Variants in EVPL observed in about 807,000 individuals in gnomAD.
EVPL encodes the protein envoplakin, also known as 210 kDa cornified envelope precursor protein.
A neutral mutation model predicts 129.7 loss-of-function variants in EVPL; 94 were observed. The ratio of observed to expected loss-of-function variants is 0.72; its 90% CI spans 0.61 to 0.86. EVPL has a LOEUF of 0.86. Among genes scored for constraint, EVPL ranks in the 40% least tolerant of loss-of-function variants. EVPL has a pLI of 0.00. For synonymous variants in EVPL, 1,172 were observed against 1,191.1 expected, an observed-to-expected ratio of 0.98 and a Z score of 0.33; for missense variants, 2,625 against 2,721.1, an observed-to-expected ratio of 0.96 and a Z score of 0.79.
chr17:76,009,899 A>C lies in EVPL; in HGVS notation c.3306T>G (p.Asp1102Glu). The C allele has an allele frequency of 6.2e-7, 1 of 1,614,002 alleles. No homozygotes were observed. Among genetic ancestry groups the C allele is most frequent in the South Asian group, 1.1e-5 (1 of 91,080 alleles). The change falls in exon 22 of 22, where the codon GAT (aspartate) becomes GAG (glutamate). Residue 1102 changes from aspartate to glutamate, a missense_variant. Asp to Glu is a conservative substitution (Grantham distance 45). This residue lies in a region of EVPL where 1,453 missense variants were observed against 1,511.8 expected (regional missense o/e 0.96). Transcript: ENST00000301607. This position sits in a 1 kb window ranked among gnomAD's most constrained non-coding sequence, Gnocchi z 5.9. ...AQALRLQMEE[D>E]AARRKQAEEA... is the part of the protein sequence containing the mutation. ...CCTCCGCCTGCTTCCTCCGCGCAGC[A>C]TCCTCCTCCATCTGCAGCCTCAGAG...
Position 76,009,572 on chromosome 17 carries a change from AG to A in EVPL, c.3632del (p.Thr1211IlefsTer43), listed in dbSNP as rs747762061. The A allele has an allele frequency of 2.5e-6, 4 of 1,613,932 alleles. No individual in the cohort carries two copies. Among genetic ancestry groups the A allele is most frequent in the Non-Finnish European group, 2.5e-6 (3 of 1,179,988 alleles). ...QVDPETEQEI[T>X]RLKAKLQEMA... ...TCTCCTGCAGCTTGGCCTTGAGCCG[AG>A]TGATCTCCTGCTCTGTCTCCGGATC... On this transcript the variant is annotated frameshift_variant, in exon 22 of 22. Transcript: ENST00000301607. LOFTEE classifies it low-confidence loss of function (END_TRUNC). This position sits in a 1 kb window ranked among gnomAD's most constrained non-coding sequence, Gnocchi z 5.9.
intron 7 of EVPL, 33 bp downstream of exon 7, chr17:76,021,834 G>T: frequency 1.3e-6 from 2 of 1,564,818 alleles, no homozygotes; most frequent in South Asian, 1.2e-5. Context: ...GGCCCTGGCC[G>T]CCCCCACCTG....
At position 76,008,614 on chromosome 17, in the gene EVPL, C is replaced by G. The variant is rs1381474252; in HGVS notation, c.4591G>C (p.Val1531Leu). ...KEVIRVQKDR[V>L]LEDERARVWE... Reference sequence around the variant, plus strand: ...ACGCGGGCCCGCTCATCTTCCAGGACGCGGTCCTTCTGCACCCGGATCACT... The same window carrying G: ...ACGCGGGCCCGCTCATCTTCCAGGAGGCGGTCCTTCTGCACCCGGATCACT... Residue 1531 changes from valine (V) to leucine (L), a missense_variant, in exon 22 of 22, where the codon GTC becomes CTC. By Grantham distance (32) the Val-to-Leu change is conservative. Around this residue, in one of 4 missense-constraint regions of EVPL, gnomAD observed 1,453 missense variants for 1,511.8 expected, o/e 0.96. Coordinates refer to ENST00000301607, the MANE Select transcript of EVPL (RefSeq NM_001988.4). This position sits in a 1 kb window ranked among gnomAD's most constrained non-coding sequence, Gnocchi z 7.4. 2.5e-6 allele frequency: 4 copies of G among 1,612,080 alleles called. No homozygotes were observed. Among genetic ancestry groups the G allele is most frequent in the Admixed American group, 1.7e-5 (1 of 60,034 alleles).
At chr17:76,012,397 C>T (rs575503803) in intron 18 of EVPL, 5 of 276,162 alleles carry the variant, frequency 1.8e-5, no homozygotes, top group South Asian at 8.9e-5. Context: ...TGGGTTCAAG[C>T]GATTTTCATG....
intron 9 of EVPL, among the ~76,000 whole-genome samples, chr17:76,020,645 G>A (rs954338983): frequency 2.0e-5 from 3 of 150,988 alleles, no homozygotes; most frequent in African/African-American, 4.9e-5. Flanking sequence ...CTCCTAAAGA[G>A]CCTTTTAAGA....
Position 76,009,215 on chromosome 17 carries a change from T to C in EVPL, c.3990A>G (p.Ala1330=), listed in dbSNP as rs778121157. The part of the protein sequence containing the change: ...HEKDPVLEKE[A]ERLRQEVREA... ...CCCGCACCTCCTGGCGGAGCCGCTC[T>C]GCTTCTTTCTCCAGCACCGGGTCCT... is the stretch of plus-strand genomic sequence containing the variant. Residue 1330 remains alanine, a synonymous_variant, in exon 22 of 22, where the codon GCA becomes GCG. Transcript: ENST00000301607. This position sits in a 1 kb window ranked among gnomAD's most constrained non-coding sequence, Gnocchi z 5.9. 9 of 1,608,880 alleles carry C rather than the reference T, an allele frequency of 5.6e-6. No homozygotes were observed. Among genetic ancestry groups the C allele is most frequent in the Non-Finnish European group, 7.6e-6 (9 of 1,179,882 alleles).
At chr17:76,019,720 G>C in intron 9 of EVPL, 67 bp from the exon 10 acceptor site, 1 of 1,550,398 alleles carries the variant, frequency 6.4e-7, no homozygotes, top group Admixed American at 2.1e-5. Context: ...CTACAAACCA[G>C]CTGAACCTAA....
intron 21 of EVPL, 118 bp from the exon 22 acceptor site, chr17:76,010,661 G>T: frequency 1.8e-6 from 2 of 1,141,638 alleles, no homozygotes; most frequent in Non-Finnish European, 2.4e-6. Context: ...GTCCTCAGAG[G>T]TGGAGCTGAA....
Position 76,011,772 on chromosome 17 carries a change from C to T in EVPL, c.2568G>A (p.Gln856=), listed in dbSNP as rs1201852095. The part of the protein sequence containing the change: ...VAPLQESIQA[Q]EKNLAKAYTE... The stretch of plus-strand genomic sequence containing the variant: ...TGAGCCCCGCAAGGTCCCATCTCAC[C>T]TGGGCTTGGATGCTCTCTTGCAGGG... Residue 856 remains glutamine, a splice_region_variant and synonymous_variant, in exon 20 of 22, where the codon CAG becomes CAA. Transcript: ENST00000301607. The T allele has an allele frequency of 2.5e-6, 4 of 1,611,702 alleles. No individual in the cohort carries two copies. The African/African-American group carries it at 4.0e-5, about 16-fold the overall frequency.
rs543348353 is a variant in EVPL at position 76,014,534 on chromosome 17, G to C, written c.2265C>G (p.Phe755Leu). ...VQDAALTYQQ[F>L]KNCKDNLSSW... ...AGCTCAGGTTATCCTTGCAGTTCTT[G>C]AACTGCTGGTAGGTGAGGGCGGCAT... The change falls in exon 18 of 22, where the codon TTC (phenylalanine) becomes TTG (leucine). Residue 755 changes from phenylalanine to leucine, a missense_variant. Phe to Leu is a conservative substitution (Grantham distance 22, BLOSUM62 0). This residue lies in a region of EVPL where 1,024 missense variants were observed against 997.5 expected (regional missense o/e 1.03). Transcript: ENST00000301607. The C allele has an allele frequency of 6.2e-7, 1 of 1,612,096 alleles. No homozygotes were observed. Among genetic ancestry groups the C allele is most frequent in the African/African-American group, 1.3e-5 (1 of 74,960 alleles).
In EVPL at chr17:76,022,210, C is replaced by T. The variant is rs745420834; in HGVS notation, c.624G>A (p.Arg208=). ...TCACCAGTAGGTCTCGGTATTGGCT[C>T]CGGATGGTGGCTGCATCCTGCCTCG... The part of the protein sequence containing the change: ...SLVGPDAATI[R]SQYRDLLKAA... Residue 208 remains arginine (R), a synonymous_variant, in exon 6 of 22, where the codon CGG becomes CGA. Coordinates refer to ENST00000301607, the MANE Select transcript of EVPL (RefSeq NM_001988.4). The surrounding 1 kb of genome is among the most constrained non-coding windows in gnomAD (Gnocchi z 5.6). The T allele has an allele frequency of 6.2e-7, 1 of 1,613,200 alleles. No individual in the cohort carries two copies. Among genetic ancestry groups the T allele is most frequent in the Non-Finnish European group, 8.5e-7 (1 of 1,179,842 alleles).
chr17:76,024,012 G>A lies in EVPL; in HGVS notation c.198+9C>T, dbSNP rs1429651934. 1.1e-5 allele frequency: 17 copies of A among 1,610,748 alleles called. No individual in the cohort carries two copies. Among genetic ancestry groups the A allele is most frequent in the Non-Finnish European group, 1.7e-6 (2 of 1,178,896 alleles). ...GTCCACGCCCTGCCAACTGCTGCCG[G>A]GGCCTCACCTGCTGCAGCCTCTTCT... On this transcript the variant is annotated intron_variant, in intron 2 of 21. Coordinates refer to ENST00000301607, the MANE Select transcript of EVPL (RefSeq NM_001988.4). This position sits in a 1 kb window ranked among gnomAD's most constrained non-coding sequence, Gnocchi z 4.5.
rs774663667 is a variant in EVPL at position 76,008,355 on chromosome 17, G to C, written c.4850C>G (p.Ser1617Trp). Residue 1617 changes from serine to tryptophan, a missense_variant, in exon 22 of 22, where the codon TCG becomes TGG. Ser to Trp is a radical substitution (Grantham distance 177). Coordinates refer to ENST00000301607, the MANE Select transcript of EVPL (RefSeq NM_001988.4). This position sits in a 1 kb window ranked among gnomAD's most constrained non-coding sequence, Gnocchi z 7.4. ...QQQTLQLQEE[S>W]KLLSQKTESE... ...CTCCGTCTTCTGGCTGAGCAGCTTC[G>C]ACTCCTCCTGCAGCTGCAGTGTCTG... 1.2e-6 allele frequency: 2 copies of C among 1,602,846 alleles called. No homozygotes were observed. The highest frequency in any genetic ancestry group is 1.7e-6 in the Non-Finnish European group (2 of 1,179,368).
In EVPL at chr17:76,010,185, C is replaced by T; in HGVS notation, c.3020G>A (p.Arg1007Lys). ...AQKVVQLESK[R>K]KTMQPHLLTK... ...CAGCAGATGAGGCTGCATGGTCTTC[C>T]TCTTGCTTTCCAGCTGCACGACCTT... Residue 1007 changes from arginine (R) to lysine (K), a missense_variant, in exon 22 of 22, where the codon AGG (arginine) becomes AAG (lysine). Physicochemically the swap from Arg to Lys is conservative, Grantham distance 26. Around this residue, in one of 4 missense-constraint regions of EVPL, gnomAD observed 1,453 missense variants for 1,511.8 expected, o/e 0.96. Transcript: ENST00000301607. The T allele has an allele frequency of 6.2e-7, 1 of 1,614,094 alleles. No homozygotes were observed. Among genetic ancestry groups the T allele is most frequent in the Non-Finnish European group, 8.5e-7 (1 of 1,180,024 alleles).
At position 76,009,122 on chromosome 17, in the gene EVPL, C is replaced by T; in HGVS notation, c.4083G>A (p.Leu1361=). ...VYELQSKRLL[L]ERRKPEEKVV... Reference sequence around the variant, plus strand: ...CCTTCTCCTCGGGCTTCCTCCTCTCCAGCAGCAGGCGCTTGCTCTGCAGCT... The same window carrying T: ...CCTTCTCCTCGGGCTTCCTCCTCTCTAGCAGCAGGCGCTTGCTCTGCAGCT... The change falls in exon 22 of 22, where the codon CTG becomes CTA. Residue 1361 remains leucine (L), a synonymous_variant. Coordinates refer to ENST00000301607, the MANE Select transcript of EVPL (RefSeq NM_001988.4). This position sits in a 1 kb window ranked among gnomAD's most constrained non-coding sequence, Gnocchi z 5.9. 1 of 1,612,936 alleles carries T rather than the reference C, an allele frequency of 6.2e-7. No homozygotes were observed. The highest frequency in any genetic ancestry group is 8.5e-7 in the Non-Finnish European group (1 of 1,179,518).
In EVPL at chr17:76,022,471, T is replaced by C. The variant is rs1448615842; in HGVS notation, c.548A>G (p.Asn183Ser). The C allele has an allele frequency of 3.1e-6, 5 of 1,613,586 alleles. No individual in the cohort carries two copies. The highest frequency in any genetic ancestry group is 4.2e-6 in the Non-Finnish European group (5 of 1,179,860). Reference protein sequence around the residue: ...AELEQQIAEHNILQKEIDAYG... With the variant: ...AELEQQIAEHSILQKEIDAYG... ...GGCGTCGATCTCCTTCTGCAGGATG[T>C]TGTGCTCGGCGATCTGTTGCTCCAG... is the stretch of plus-strand genomic sequence containing the variant. Residue 183 changes from asparagine to serine, a missense_variant, in exon 5 of 22, where the codon AAC becomes AGC. By Grantham distance (46) the Asn-to-Ser change is conservative. This residue lies in a region of EVPL where 1,024 missense variants were observed against 997.5 expected (regional missense o/e 1.03). Coordinates refer to ENST00000301607, the MANE Select transcript of EVPL (RefSeq NM_001988.4). The surrounding 1 kb of genome is among the most constrained non-coding windows in gnomAD (Gnocchi z 5.6).
At position 76,010,284 on chromosome 17, in the gene EVPL, C is replaced by G; in HGVS notation, c.2921G>C (p.Arg974Thr). The change falls in exon 22 of 22, where the codon AGG (arginine) becomes ACG (threonine). Residue 974 changes from arginine (R) to threonine (T), a missense_variant. By Grantham distance (71) the Arg-to-Thr change is moderately conservative. Coordinates refer to ENST00000301607, the MANE Select transcript of EVPL (RefSeq NM_001988.4). ...RDPQLEGSLS[R>T]VKAQVEEEGK... ...CTCCTCCTCCACCTGGGCCTTCACC[C>G]TGGACAGGCTGCCCTCCAGCTGGGG... 6.2e-7 allele frequency: 1 copy of G among 1,613,982 alleles called. No homozygotes were observed. The highest frequency in any genetic ancestry group is 8.5e-7 in the Non-Finnish European group (1 of 1,180,014).
Position 76,021,689 on chromosome 17 carries a change from C to G in EVPL, c.900G>C (p.Ala300=), listed in dbSNP as rs1733975282. ...CCCAGCGCACCTGGATGGGCCCCAC[C>G]GCGGGGTGCCGCAGCTCCACCATGC... ...GERMVELRHP[A]VGPIQAHQEA... Residue 300 remains alanine (A), a synonymous_variant, in exon 8 of 22, where the codon GCG becomes GCC. Coordinates refer to ENST00000301607, the MANE Select transcript of EVPL (RefSeq NM_001988.4). The G allele has an allele frequency of 6.2e-7, 1 of 1,609,378 alleles. No homozygotes were observed. Among genetic ancestry groups the G allele is most frequent in the Admixed American group, 1.7e-5 (1 of 59,820 alleles).
At chr17:76,011,921 G>T in intron 19 of EVPL, 39 bp from the exon 20 acceptor site, 6 of 1,605,228 alleles carry the variant, frequency 3.7e-6, no homozygotes, top group South Asian at 1.1e-5. Flanking sequence ...GGCAACCAGT[G>T]GGGGAGGCTG....
Sources: allele counts gnomAD v4.1 joint callset (sites outside exome capture counted in the v4.1 genomes callset), GRCh38; gene constraint gnomAD v4.1.1; regional missense constraint gnomAD v4.1.1; non-coding constraint Gnocchi (gnomAD v3.1); transcripts MANE v1.5; gene names NCBI Gene and HGNC (gene_info 2026-07-23, HGNC 2026-07-21).